The following SACM1L variants were observed in gnomAD, a reference collection of about 807,000 sequenced individuals.
The protein encoded by SACM1L is phosphatidylinositol-3-phosphatase SAC1.
Under a neutral mutation model 89.5 loss-of-function variants are expected in SACM1L, and 32 were observed. The observed-to-expected ratio is 0.36, with a 90% CI of 0.27 to 0.48. The LOEUF (loss-of-function observed/expected upper bound fraction) is 0.48. Ranked by LOEUF, SACM1L falls within the 20% of genes least tolerant of loss-of-function variation. The probability of loss-of-function intolerance (pLI) is 0.99; values close to 1 mark genes in which losing one functional copy is unlikely to be tolerated. For missense variants in SACM1L, 543 were observed against 708.5 expected (o/e 0.77, Z 2.65); for synonymous variants, 213 against 232.8 (o/e 0.92, Z 0.77).
At chr3:45,721,672 A>G (rs188966183) in intron 8 of SACM1L, among the ~76,000 whole-genome samples, 1 of 150,726 alleles carries the variant, frequency 6.6e-6, no homozygotes, top group Admixed American at 6.6e-5. Context: ...GGTCTTTGAG[A>G]TTTTTTTTTT....
chr3:45,689,436 G>C lies in SACM1L; in HGVS notation c.-30G>C. On this transcript the variant is annotated 5_prime_UTR_variant, in exon 1 of 20. Transcript: ENST00000389061. Reference sequence around the variant, plus strand: ...GTGGCGGCGCGGGGCGGGGCGGGCGGAGAGAGAAGGAAGGAGGTGGTTGTG... The same window carrying C: ...GTGGCGGCGCGGGGCGGGGCGGGCGCAGAGAGAAGGAAGGAGGTGGTTGTG... 5 of 1,555,758 alleles carry C rather than the reference G, an allele frequency of 3.2e-6. No homozygotes were observed. Among genetic ancestry groups the C allele is most frequent in the Non-Finnish European group, 4.3e-6 (5 of 1,150,326 alleles).
At chr3:45,700,900 G>A (rs1394223220) in intron 1 of SACM1L, among the ~76,000 whole-genome samples, 1 of 152,186 alleles carries the variant, frequency 6.6e-6, no homozygotes, top group East Asian at 1.9e-4. Context: ...TCGAACACCT[G>A]ACCTTAAATG....
Position 45,722,877 on chromosome 3 carries a change from A to T in SACM1L, c.774A>T (p.Gly258=), listed in dbSNP as rs376105743. The T allele has an allele frequency of 7.4e-6, 12 of 1,611,872 alleles. No homozygotes were observed. The African/African-American group carries it at 1.6e-4, about 22-fold the overall frequency. ...GSKASFVQTR[G]SIPVFWSQRP... is the part of the protein sequence containing the mutation. ...TCTCTCTTTTCTTTTAGACTCGAGG[A>T]TCAATACCTGTTTTCTGGTCCCAAA... The change falls in exon 10 of 20, where the codon GGA becomes GGT. Residue 258 remains glycine (G), a synonymous_variant. Coordinates refer to ENST00000389061, the MANE Select transcript of SACM1L (RefSeq NM_014016.5).
At chr3:45,700,606 A>C (rs1194713747) in intron 1 of SACM1L, among the ~76,000 whole-genome samples, 1 of 152,198 alleles carries the variant, frequency 6.6e-6, no homozygotes, top group Non-Finnish European at 1.5e-5. Flanking sequence ...TGAGCATATC[A>C]TGTGTATTCT....
intron 1 of SACM1L, among the ~76,000 whole-genome samples, chr3:45,691,682 A>G (rs1473785784): frequency 6.6e-6 from 1 of 151,736 alleles, no homozygotes; most frequent in African/African-American, 2.4e-5. Context: ...TGGTTTGATC[A>G]TAGCTCACTG....
intron 10 of SACM1L, among the ~76,000 whole-genome samples, 178 bp from the exon 11 acceptor site, chr3:45,723,297 A>T (rs551288737): frequency 5.2e-4 from 79 of 152,276 alleles, no homozygotes; most frequent in Non-Finnish European, 1.0e-3. Context: ...AAAATAGCTT[A>T]TGATTACTAG....
rs767579328 is a variant in SACM1L at position 45,703,502 on chromosome 3, A to G, written c.97A>G (p.Ile33Val). The change falls in exon 2 of 20, where the codon ATT becomes GTT. Residue 33 changes from isoleucine to valine, a missense_variant. Around this residue, in one of 2 missense-constraint regions of SACM1L, gnomAD observed 173 missense variants for 180.9 expected, o/e 0.96. Coordinates refer to ENST00000389061, the MANE Select transcript of SACM1L (RefSeq NM_014016.5). ...CDDGADDVLTIDRVSTEVTLA... is the reference protein window; with the variant it reads ...CDDGADDVLTVDRVSTEVTLA... ...TGATGGAGCAGATGACGTACTTACC[A>G]TTGACCGTGTGTCCACAGAGGTTAC... The G allele has an allele frequency of 6.2e-7, 1 of 1,613,276 alleles. No homozygotes were observed. The highest frequency in any genetic ancestry group is 8.5e-7 in the Non-Finnish European group (1 of 1,179,358).
At position 45,706,874 on chromosome 3, in the gene SACM1L, T is replaced by C. The variant is rs148772837; in HGVS notation, c.300T>C (p.Tyr100=). The stretch of plus-strand genomic sequence containing the variant: ...CAACAGATTTTGATGTCCTTTCTTA[T>C]AAGAAGACAATGTTGCACTTAACTG... ...WKATDFDVLS[Y]KKTMLHLTDI... Residue 100 remains tyrosine (Y), a synonymous_variant, in exon 4 of 20, where the codon TAT becomes TAC. Coordinates refer to ENST00000389061, the MANE Select transcript of SACM1L (RefSeq NM_014016.5). 167 of 1,613,228 alleles carry C rather than the reference T, an allele frequency of 1.0e-4. No homozygotes were observed. The highest frequency in any genetic ancestry group is 1.6e-4 in the Middle Eastern group (1 of 6,080).
At chr3:45,698,799 G>C (rs1467570466) in intron 1 of SACM1L, among the ~76,000 whole-genome samples, 1 of 151,456 alleles carries the variant, frequency 6.6e-6, no homozygotes, top group East Asian at 1.9e-4. Context: ...ACGGAGTCTT[G>C]CTCTGTCACC....
chr3:45,715,063 A>G (rs1329056028), intron 7 of SACM1L, among the ~76,000 whole-genome samples: 1 of 152,230 alleles, frequency 6.6e-6, no homozygotes, highest in Non-Finnish European at 1.5e-5. Flanking sequence ...TTTGTAGCTA[A>G]GGAGCGATGG....
intron 9 of SACM1L, among the ~76,000 whole-genome samples, 177 bp downstream of exon 9, chr3:45,722,262 T>C (rs1012678320): frequency 2.6e-5 from 4 of 152,148 alleles, no homozygotes; most frequent in African/African-American, 4.8e-5. Context: ...GGCACTAACC[T>C]GCTGCCATTT....
intron 1 of SACM1L, 136 bp from the exon 2 acceptor site, chr3:45,703,302 C>A: frequency 1.7e-6 from 1 of 593,086 alleles, no homozygotes; most frequent in South Asian, 2.0e-5. Context: ...ATAAGGACAG[C>A]AAACTTAACA....
chr3:45,706,891 A>G lies in SACM1L; in HGVS notation c.317A>G (p.His106Arg). The change falls in exon 4 of 20, where the codon CAC (histidine) becomes CGC (arginine). Residue 106 changes from histidine to arginine, a missense_variant. This residue lies in a region of SACM1L where 173 missense variants were observed against 180.9 expected (regional missense o/e 0.96). Transcript: ENST00000389061. ...CTTTCTTATAAGAAGACAATGTTGC[A>G]CTTAACTGATATTCAGGTAAGAACT... ...DVLSYKKTMLHLTDIQLQDNK... is the reference protein window; with the variant it reads ...DVLSYKKTMLRLTDIQLQDNK... The G allele has an allele frequency of 6.2e-7, 1 of 1,613,390 alleles. No homozygotes were observed. The highest frequency in any genetic ancestry group is 2.2e-5 in the East Asian group (1 of 44,830).
At chr3:45,740,071 A>T (rs986268256) in intron 19 of SACM1L, among the ~76,000 whole-genome samples, 2 of 151,538 alleles carry the variant, frequency 1.3e-5, no homozygotes, top group Non-Finnish European at 2.9e-5. Context: ...AGGAATGGAA[A>T]CAAAAGGGGA....
rs566690841 is a variant in SACM1L at position 45,697,388 on chromosome 3, G to A, written c.33-6050G>A. Among the ~76,000 whole-genome samples, 8 of 142,886 alleles carry A rather than the reference G, an allele frequency of 5.6e-5. No homozygotes were observed. The East Asian group carries it at 1.6e-3, about 28-fold the overall frequency. The allele number at this position is 142,886 out of a possible 152,430, so 93.7% of individuals were successfully genotyped here. A position where few individuals can be genotyped will look rare whatever the true frequency, so the allele number is the denominator to read the frequency against. ...GCCTCCCAGGTTGAAGTGATCCTCCGACCTCAGCCTCCTGAATAGCTGAGG... is the reference window on the plus strand; with the variant it reads ...GCCTCCCAGGTTGAAGTGATCCTCCAACCTCAGCCTCCTGAATAGCTGAGG... On this transcript the variant is annotated intron_variant, in intron 1 of 19. Coordinates refer to ENST00000389061, the MANE Select transcript of SACM1L (RefSeq NM_014016.5).
chr3:45,742,135 A>G (rs1259019708), intron 19 of SACM1L, among the ~76,000 whole-genome samples: 1 of 152,232 alleles, frequency 6.6e-6, no homozygotes, highest in East Asian at 1.9e-4. Flanking sequence ...AATGAAACGG[A>G]TGATTCCTTT....
At chr3:45,693,812 T>C (rs1294155563) in intron 1 of SACM1L, among the ~76,000 whole-genome samples, 1 of 152,242 alleles carries the variant, frequency 6.6e-6, no homozygotes, top group Non-Finnish European at 1.5e-5. Flanking sequence ...ATTGATTTGC[T>C]CAGAATTTAA....
chr3:45,689,653 C>T lies in SACM1L; in HGVS notation c.32+156C>T, dbSNP rs1035141302. The T allele has an allele frequency of 1.5e-5, 13 of 888,852 alleles. No individual in the cohort carries two copies. In the African/African-American group the frequency reaches 2.2e-4, roughly 15 times the overall value. 55.1% of individuals were successfully genotyped at this position (888,852 alleles called of 1,614,324 possible). ...CTCAGCCGGCGCGGCCTCTCCTAGG[C>T]CTCGCCCGAGTAGCCATAGGCCGGG... On this transcript the variant is annotated intron_variant, in intron 1 of 19. Transcript: ENST00000389061.
chr3:45,690,595 G>C (rs566668092), intron 1 of SACM1L, among the ~76,000 whole-genome samples: 62 of 152,300 alleles, frequency 4.1e-4, no homozygotes, highest in Admixed American at 3.3e-3. Context: ...AATTCAGAGA[G>C]GTCATCTATT....
Sources: allele counts gnomAD v4.1 joint callset (sites outside exome capture counted in the v4.1 genomes callset), GRCh38; gene constraint gnomAD v4.1.1; regional missense constraint gnomAD v4.1.1; transcripts MANE v1.5; gene names NCBI Gene and HGNC (gene_info 2026-07-23, HGNC 2026-07-21).